Variants in PML observed in about 807,000 individuals in gnomAD.
PML encodes protein PML.
Under a neutral mutation model 65.2 loss-of-function variants are expected in PML, and 28 were observed. The observed-to-expected ratio is 0.43, with a 90% confidence interval of 0.32 to 0.59. The LOEUF (loss-of-function observed/expected upper bound fraction) is 0.59. Ranked by LOEUF, PML falls within the 20% of genes least tolerant of loss-of-function variation. The pLI is 0.08. For missense variants in PML, 1,021 were observed against 1,203.4 expected (o/e 0.85, Z 2.24); for synonymous variants, 500 against 508.8 (o/e 0.98, Z 0.23).
At chr15:74,006,440 GCATCTAGCATGGGTATCA>G (rs1167864778) in intron 2 of PML, among the ~76,000 whole-genome samples, 2 of 151,372 alleles carry the variant, frequency 1.3e-5, no homozygotes, top group Admixed American at 1.3e-4. Context: ...TTTAGCATGT[GCATCTAGCATGGGTATCA>G]CATCTAGCAT....
intron 4 of PML, chr15:74,028,294 T>G (rs2071169538): frequency 1.3e-5 from 2 of 152,180 alleles, no homozygotes; most frequent in South Asian, 4.1e-4. Flanking sequence ...ATGGAGGGTG[T>G]GTCAGGGAGG....
rs544214600 is a variant in PML, at chr15:74,037,197, C to T, written c.1710+2667C>T. 1.8e-5 allele frequency: 18 copies of T among 985,438 alleles called. No homozygotes were observed. In the African/African-American group the frequency reaches 2.8e-4, roughly 15 times the overall value. 61.0% of individuals were successfully genotyped at this position (985,438 alleles called of 1,614,324 possible). On this transcript the variant is annotated intron_variant, in intron 7 of 8. Transcript: ENST00000268058. The surrounding 1 kb of genome is among the most constrained non-coding windows in gnomAD (Gnocchi z 4.2). ...CCCCGCCTGCCTTTCTTCACTGGGC[C>T]CTTGTCCCAGCCTCACCCTCAGCTG...
rs917665771 is a variant in PML, at chr15:74,037,350, C to T, written c.1710+2820C>T. ...CCCTCGTTAGGGTGGAAGGGATGTC[C>T]ACCTGCCTCCAGGACTCACCCTGTG... On this transcript the variant is annotated intron_variant, in intron 7 of 8. Transcript: ENST00000268058. This position sits in a 1 kb window ranked among gnomAD's most constrained non-coding sequence, Gnocchi z 4.2. 1 of 985,308 alleles carries T rather than the reference C, an allele frequency of 1.0e-6. No homozygotes were observed. Among genetic ancestry groups the T allele is most frequent in the Admixed American group, 6.1e-5 (1 of 16,276 alleles). The allele number at this position is 985,308 out of a possible 1,614,324, so 61.0% of individuals were successfully genotyped here.
Position 74,032,716 on chromosome 15 carries a change from G to A in PML, c.1398+1G>A. ...CATCAAAGGCCCTTCCTATGGAGAG[G>A]TAAGGTTCTCCCCAGCCCCAGCCTT... is the stretch of plus-strand genomic sequence containing the variant. On this transcript the variant is annotated splice_donor_variant, in intron 5 of 8. Coordinates refer to ENST00000268058, the MANE Select transcript of PML (RefSeq NM_033238.3). LOFTEE classifies it high-confidence loss of function. The A allele has an allele frequency of 6.2e-7, 1 of 1,614,126 alleles. No individual in the cohort carries two copies. The highest frequency in any genetic ancestry group is 8.5e-7 in the Non-Finnish European group (1 of 1,179,936).
chr15:74,033,839 G>T (rs766143930), intron 6 of PML: 1 of 505,234 alleles, frequency 2.0e-6, no homozygotes, highest in Non-Finnish European at 3.5e-6. Context: ...TTCTGCAAAG[G>T]CCACCTACCT....
intron 2 of PML, among the ~76,000 whole-genome samples, chr15:74,006,150 G>C (rs1464036697): frequency 6.6e-6 from 1 of 152,200 alleles, no homozygotes; most frequent in Non-Finnish European, 1.5e-5. Context: ...CAGCGCTTTG[G>C]GAGGCTGAGG....
Position 74,047,004 on chromosome 15 carries a change from G to A in PML, c.*1996G>A, listed in dbSNP as rs535383179. On this transcript the variant is annotated 3_prime_UTR_variant, in exon 9 of 9. Coordinates refer to ENST00000268058, the MANE Select transcript of PML (RefSeq NM_033238.3). ...CCACATGACAAGTGGGGAGACCCAGGGTAGGCTTTCCTTTGGATCATCTCC... is the reference window on the plus strand; with the variant it reads ...CCACATGACAAGTGGGGAGACCCAGAGTAGGCTTTCCTTTGGATCATCTCC... 1 of 229,614 alleles carries A rather than the reference G, an allele frequency of 4.4e-6. No individual in the cohort carries two copies. Among genetic ancestry groups the A allele is most frequent in the African/African-American group, 2.2e-5 (1 of 45,198 alleles). The allele number at this position is 229,614 out of a possible 1,614,324, so 14.2% of individuals were successfully genotyped here.
Position 74,045,000 on chromosome 15 carries a change from C to G in PML, c.2641C>G (p.Gln881Glu). Residue 881 changes from glutamine (Q) to glutamate (E), a missense_variant, in exon 9 of 9, where the codon CAG (glutamine) becomes GAG (glutamate). By Grantham distance (29) the Gln-to-Glu change is conservative (BLOSUM62 2). Coordinates refer to ENST00000268058, the MANE Select transcript of PML (RefSeq NM_033238.3). ...TGGCTTGGCAGAGAGGGCCTCCCAG[C>G]AGAGCTGAGAGGAGGGGGTGACCAG... ...GRGLAERASQQS is the reference protein window; with the variant it reads ...GRGLAERASQES The G allele has an allele frequency of 2.5e-6, 4 of 1,601,774 alleles. No homozygotes were observed. Among genetic ancestry groups the G allele is most frequent in the Non-Finnish European group, 3.4e-6 (4 of 1,176,892 alleles).
At chr15:74,019,104 A>G (rs530638910) in intron 2 of PML, among the ~76,000 whole-genome samples, 7 of 152,336 alleles carry the variant, frequency 4.6e-5, no homozygotes, top group Middle Eastern at 3.4e-3. Flanking sequence ...GATTCAGGCT[A>G]GCCACCTCAC....
Position 74,023,055 on chromosome 15 carries a change from A to T in PML, c.830A>T (p.Glu277Val), listed in dbSNP as rs2070912747. ...QLGRARAETE[E>V]LIRERVRQVV... The stretch of plus-strand genomic sequence containing the variant: ...GGCCGCGCGCGTGCCGAGACCGAGG[A>T]GCTGATCCGCGAGCGCGTGCGCCAG... The change falls in exon 3 of 9, where the codon GAG (glutamate) becomes GTG (valine). Residue 277 changes from glutamate (E) to valine (V), a missense_variant. Glu to Val is a moderately radical substitution (Grantham distance 121). Transcript: ENST00000268058. 1 of 1,603,864 alleles carries T rather than the reference A, an allele frequency of 6.2e-7. No individual in the cohort carries two copies. Among genetic ancestry groups the T allele is most frequent in the Admixed American group, 1.7e-5 (1 of 59,850 alleles).
intron 2 of PML, among the ~76,000 whole-genome samples, chr15:74,003,432 C>T (rs2069878621): frequency 1.3e-5 from 2 of 151,810 alleles, no homozygotes; most frequent in African/African-American, 4.8e-5. Context: ...AACTCCATCT[C>T]AGAAAAAAAA....
intron 1 of PML, among the ~76,000 whole-genome samples, chr15:73,996,316 A>G (rs952809182): frequency 1.3e-5 from 2 of 152,246 alleles, no homozygotes; most frequent in African/African-American, 4.8e-5. Flanking sequence ...AATAGTCATA[A>G]AATAGATTAC....
At chr15:74,014,851 A>G (rs181350100) in intron 2 of PML, among the ~76,000 whole-genome samples, 3 of 152,304 alleles carry the variant, frequency 2.0e-5, no homozygotes, top group Admixed American at 6.5e-5. Context: ...ATTCCCCACC[A>G]TAAAGATGGC....
rs531653169 is a variant in PML at position 74,007,664 on chromosome 15, G to A, written c.602+9188G>A. 8.5e-5 allele frequency among the ~76,000 whole-genome samples: 13 copies of A among 152,330 alleles called. No individual in the cohort carries two copies. In the South Asian group the frequency reaches 2.1e-3, roughly 24 times the overall value. On this transcript the variant is annotated intron_variant, in intron 2 of 8. Transcript: ENST00000268058. The stretch of plus-strand genomic sequence containing the variant: ...GGTGGCTTTAAACCTGGGACTCGGG[G>A]TGTCTGCCCTGGGGTGGCTGCCCTG...
intron 4 of PML, among the ~76,000 whole-genome samples, chr15:74,031,891 A>G (rs1173198379): frequency 6.6e-6 from 1 of 152,222 alleles, no homozygotes; most frequent in Admixed American, 6.5e-5. Context: ...CCACATTACC[A>G]TATGAGGTAG....
rs373090793 is a variant in PML at position 74,024,936 on chromosome 15, G to A, written c.1254+9G>A. ...CTATTGACGTTGACCTGGTGAGATGGGTTTGAGGTCTGAAGGGGTGGTGGT... is the reference window on the plus strand; with the variant it reads ...CTATTGACGTTGACCTGGTGAGATGAGTTTGAGGTCTGAAGGGGTGGTGGT... On this transcript the variant is annotated intron_variant, in intron 4 of 8. Coordinates refer to ENST00000268058, the MANE Select transcript of PML (RefSeq NM_033238.3). 1.2e-6 allele frequency: 2 copies of A among 1,606,838 alleles called. No homozygotes were observed. Among genetic ancestry groups the A allele is most frequent in the East Asian group, 2.2e-5 (1 of 44,838 alleles).
intron 2 of PML, among the ~76,000 whole-genome samples, chr15:74,017,334 AC>A: frequency 6.6e-6 from 1 of 151,698 alleles, no homozygotes; most frequent in South Asian, 2.1e-4. Context: ...ATTGTTGAAA[AC>A]CCCTTTAATG....
In PML at chr15:74,035,879, A is replaced by T. The variant is rs1398885873; in HGVS notation, c.1710+1349A>T. 6.2e-7 allele frequency: 1 copy of T among 1,613,436 alleles called. No individual in the cohort carries two copies. The highest frequency in any genetic ancestry group is 1.3e-5 in the African/African-American group (1 of 74,822). On this transcript the variant is annotated intron_variant, in intron 7 of 8. Transcript: ENST00000268058. The surrounding 1 kb of genome is among the most constrained non-coding windows in gnomAD (Gnocchi z 4.1). ...TGCCTCTGGAAGCCTCTCCAATTAC[A>T]TTCCCACCACCCTGTGCCCCAGAAA...
chr15:73,998,738 C>T (rs1218498403), intron 2 of PML, among the ~76,000 whole-genome samples: 1 of 152,208 alleles, frequency 6.6e-6, no homozygotes, highest in Non-Finnish European at 1.5e-5. Context: ...TATCCAGTAA[C>T]TTCTTTAGGA....
Sources: gnomAD v4.1 joint callset for allele counts (sites outside exome capture counted in the v4.1 genomes callset) on GRCh38, gnomAD v4.1.1 for gene constraint, Gnocchi (gnomAD v3.1) non-coding constraint, MANE v1.5 for transcripts, NCBI Gene and HGNC (gene_info 2026-07-23, HGNC 2026-07-21) for gene names.